ATP6V1H: variants seen among roughly 807,000 people sequenced by gnomAD.
ATP6V1H encodes the protein V-type proton ATPase subunit H.
In ATP6V1H, 39 loss-of-function variants were observed where a neutral mutation model predicts 71.7. That is an observed-to-expected ratio of 0.54 (90% CI 0.42 to 0.71). The LOEUF is 0.71. Ranked by LOEUF, ATP6V1H falls within the 30% of genes least tolerant of loss-of-function variation. ATP6V1H has a pLI of 0.00. For synonymous variants in ATP6V1H, 192 were observed against 199.3 expected (o/e 0.96, Z 0.31); for missense variants, 509 against 594.9 (o/e 0.86, Z 1.50).
chr8:53,780,652 T>C (rs528868102), intron 9 of ATP6V1H, among the ~76,000 whole-genome samples: 14 of 152,248 alleles, frequency 9.2e-5, no homozygotes, highest in African/African-American at 3.4e-4. Flanking sequence ...TAACTAGTCA[T>C]TTAGCATTAG....
intron 13 of ATP6V1H, among the ~76,000 whole-genome samples, chr8:53,720,292 A>G (rs59751066): frequency 0.025 from 3,745 of 152,254 alleles, 105 homozygotes; most frequent in African/African-American, 0.072. Flanking sequence ...GCAGTCTGAA[A>G]ACCTACTCCC....
chr8:53,805,327 A>C (rs999847984), intron 7 of ATP6V1H, among the ~76,000 whole-genome samples: 11 of 152,242 alleles, frequency 7.2e-5, no homozygotes, highest in African/African-American at 2.7e-4. Flanking sequence ...TCAAACATAC[A>C]ATTGACTAAA....
At chr8:53,815,896 A>T (rs1239779980) in intron 5 of ATP6V1H, among the ~76,000 whole-genome samples, 2 of 152,234 alleles carry the variant, frequency 1.3e-5, no homozygotes, top group African/African-American at 2.4e-5. Context: ...AAGATTGGCC[A>T]AAAGTAAATG....
chr8:53,817,543 AGAAAT>A lies in ATP6V1H; in HGVS notation c.307-18_307-14del. ...GCTGATGATTTTCCTAAAAAAGAAA[AGAAAT>A]GATATCACCAGTCAGAACACATTTT... On this transcript the variant is annotated splice_polypyrimidine_tract_variant and intron_variant, in intron 4 of 13. Transcript: ENST00000359530. The A allele has an allele frequency of 1.3e-6, 2 of 1,547,340 alleles. No individual in the cohort carries two copies. Among genetic ancestry groups the A allele is most frequent in the Non-Finnish European group, 1.8e-6 (2 of 1,124,572 alleles).
intron 11 of ATP6V1H, among the ~76,000 whole-genome samples, chr8:53,761,535 T>C (rs1188582051): frequency 6.6e-6 from 1 of 152,148 alleles, no homozygotes; most frequent in Non-Finnish European, 1.5e-5. Flanking sequence ...TTGTAATAAC[T>C]TGTAAAACGT....
chr8:53,760,070 G>T (rs1037379098), intron 11 of ATP6V1H, among the ~76,000 whole-genome samples: 9 of 152,184 alleles, frequency 5.9e-5, no homozygotes, highest in Non-Finnish European at 1.2e-4. Context: ...AAGTCAGGGG[G>T]TTGTTAAGCT....
chr8:53,824,338 T>C (rs1483414106), intron 4 of ATP6V1H, among the ~76,000 whole-genome samples: 2 of 152,128 alleles, frequency 1.3e-5, no homozygotes, highest in East Asian at 3.8e-4. Context: ...TTGCAAAGCA[T>C]AGCAAATAAA....
rs140018400 is a variant in ATP6V1H, at chr8:53,795,042, T to C, written c.870+605A>G. ...GACCAACAAAATTATCAGTAGACAA[T>C]TGGCACAGCAAATACACTGGCTCTC... is the stretch of plus-strand genomic sequence containing the variant. On this transcript the variant is annotated intron_variant, in intron 9 of 13. Transcript: ENST00000359530. 2.2e-3 allele frequency among the ~76,000 whole-genome samples: 338 copies of C among 152,148 alleles called. 1 individual carries two copies. Among genetic ancestry groups the C allele is most frequent in the African/African-American group, 7.8e-3 (325 of 41,512 alleles).
intron 8 of ATP6V1H, among the ~76,000 whole-genome samples, chr8:53,800,253 C>T (rs983979871): frequency 7.9e-5 from 12 of 152,280 alleles, no homozygotes; most frequent in Admixed American, 5.2e-4. Flanking sequence ...TACAGCTGTG[C>T]GTCCTCACTG....
intron 9 of ATP6V1H, among the ~76,000 whole-genome samples, chr8:53,777,799 T>C (rs147819516): frequency 6.6e-6 from 1 of 152,184 alleles, no homozygotes; most frequent in African/African-American, 2.4e-5. Context: ...ATTTGGCCCA[T>C]AGGCTTCCAA....
chr8:53,716,186 G>T (rs1214896525), intron 13 of ATP6V1H, among the ~76,000 whole-genome samples, 162 bp from the exon 14 acceptor site: 1 of 152,176 alleles, frequency 6.6e-6, no homozygotes, highest in Non-Finnish European at 1.5e-5. Flanking sequence ...CAAAGTACTT[G>T]TGCTGTATGA....
chr8:53,756,679 A>G, intron 11 of ATP6V1H, 23 bp from the exon 12 acceptor site: 1 of 1,566,210 alleles, frequency 6.4e-7, no homozygotes, highest in South Asian at 1.1e-5. Context: ...TTATCCAAAG[A>G]GAGATCAAGT....
intron 7 of ATP6V1H, among the ~76,000 whole-genome samples, chr8:53,804,659 G>A (rs556498992): frequency 6.6e-6 from 1 of 152,294 alleles, no homozygotes; most frequent in South Asian, 2.1e-4. Flanking sequence ...GGGCAACAAA[G>A]TGACACCCTG....
intron 13 of ATP6V1H, among the ~76,000 whole-genome samples, chr8:53,724,218 C>T (rs1217139326): frequency 2.0e-5 from 3 of 152,158 alleles, no homozygotes; most frequent in Non-Finnish European, 4.4e-5. Context: ...GGTCCGGAAA[C>T]CCAAGCACAA....
chr8:53,773,997 T>C (rs1808771474), intron 9 of ATP6V1H, among the ~76,000 whole-genome samples: 1 of 152,184 alleles, frequency 6.6e-6, no homozygotes, highest in Admixed American at 6.5e-5. Context: ...AAAGATTTTT[T>C]TAACAAATGA....
chr8:53,742,391 T>C (rs1341931196), intron 13 of ATP6V1H, among the ~76,000 whole-genome samples: 1 of 152,174 alleles, frequency 6.6e-6, no homozygotes, highest in African/African-American at 2.4e-5. Flanking sequence ...TCACAGCCTT[T>C]TCACCTCTCA....
intron 13 of ATP6V1H, among the ~76,000 whole-genome samples, chr8:53,732,509 C>CT (rs200690829): frequency 0.018 from 2,789 of 152,044 alleles, 23 homozygotes; most frequent in Middle Eastern, 0.031. Flanking sequence ...ACAGAAATAA[C>CT]TACAGACAGG....
At chr8:53,778,981 A>G (rs535967863) in intron 9 of ATP6V1H, among the ~76,000 whole-genome samples, 29 of 152,248 alleles carry the variant, frequency 1.9e-4, no homozygotes, top group Non-Finnish European at 2.2e-4. Flanking sequence ...ACAATGATAC[A>G]AAGTCCAGTT....
chr8:53,755,711 TATATATATATATATATATATATA>T (rs1808006233), intron 12 of ATP6V1H, among the ~76,000 whole-genome samples: 1 of 5,106 alleles, frequency 2.0e-4, no homozygotes, highest in African/African-American at 9.7e-4. Flanking sequence ...TATATATATA[TATATATATATATATATATATATA>T]TATATATATA....
Sources: allele counts gnomAD v4.1 joint callset (sites outside exome capture counted in the v4.1 genomes callset), GRCh38; gene constraint gnomAD v4.1.1; transcripts MANE v1.5; gene names NCBI Gene and HGNC (gene_info 2026-07-23, HGNC 2026-07-21).